MET: variants seen among roughly 807,000 people sequenced by gnomAD.
MET encodes the protein MET proto-oncogene, receptor tyrosine kinase, also known as hepatocyte growth factor receptor.
MET carries 48 observed loss-of-function variants against 133.1 expected under a neutral mutation model. That is an observed-to-expected ratio of 0.36 (90% CI 0.29 to 0.46). The LOEUF is 0.46. Ranked by LOEUF, MET falls within the 20% of genes least tolerant of loss-of-function variation. The pLI, the probability that MET is intolerant of heterozygous loss-of-function variation, is 1.00. For missense variants in MET, 1,442 were observed against 1,695.9 expected (o/e 0.85, Z 2.63); for synonymous variants, 628 against 616.5 (o/e 1.02, Z -0.28).
chr7:116,702,995 A>G (rs541332743), intron 2 of MET, among the ~76,000 whole-genome samples: 74 of 152,200 alleles, frequency 4.9e-4, no homozygotes, highest in Non-Finnish European at 9.7e-4. Context: ...ATTTCATGAA[A>G]TATGTCTATG....
At chr7:116,775,706 C>CA (rs1388652724) in intron 15 of MET, among the ~76,000 whole-genome samples, 2 of 151,854 alleles carry the variant, frequency 1.3e-5, no homozygotes, top group Non-Finnish European at 2.9e-5. Flanking sequence ...GACTCCATGT[C>CA]AAAAAAATAA....
At chr7:116,734,797 G>A (rs1463875922) in intron 3 of MET, among the ~76,000 whole-genome samples, 1 of 152,124 alleles carries the variant, frequency 6.6e-6, no homozygotes, top group Non-Finnish European at 1.5e-5. Context: ...GTCAGACTTG[G>A]GAACATTAAC....
chr7:116,749,614 T>A (rs1292067972), intron 5 of MET, among the ~76,000 whole-genome samples: 1 of 152,080 alleles, frequency 6.6e-6, no homozygotes, highest in African/African-American at 2.4e-5. Flanking sequence ...GCCAGGGCAA[T>A]CAGGCAGGGG....
At position 116,771,521 on chromosome 7, in the gene MET, C is replaced by T. The variant is rs770886012; in HGVS notation, c.2754C>T (p.Thr918=). The change falls in exon 13 of 21, where the codon ACC becomes ACT. Residue 918 remains threonine, a synonymous_variant. Coordinates refer to ENST00000397752, the MANE Select transcript of MET (RefSeq NM_000245.4). ...AGTGGAAGCAAGCAATTTCTTCAAC[C>T]GTCCTTGGAAAAGTAATAGTTCAAC... ...NIEWKQAISS[T]VLGKVIVQPD... is the part of the protein sequence containing the mutation. 7 of 1,613,620 alleles carry T rather than the reference C, an allele frequency of 4.3e-6. No homozygotes were observed. Among genetic ancestry groups the T allele is most frequent in the Admixed American group, 3.3e-5 (2 of 59,984 alleles).
intron 19 of MET, 92 bp downstream of exon 19, chr7:116,783,561 T>A: frequency 7.6e-7 from 1 of 1,310,104 alleles, no homozygotes; most frequent in Non-Finnish European, 1.1e-6. Context: ...TTTAAAAAAA[T>A]TCAACACCAC....
At chr7:116,783,767 G>T (rs1000543705) in intron 19 of MET, among the ~76,000 whole-genome samples, 1 of 152,206 alleles carries the variant, frequency 6.6e-6, no homozygotes, top group African/African-American at 2.4e-5. Context: ...AGATGAGATG[G>T]TCAACAATGA....
chr7:116,759,742 T>A, intron 10 of MET: 1 of 480,082 alleles, frequency 2.1e-6, no homozygotes. Context: ...GATTACCAAT[T>A]TGAGACAGTG....
intron 19 of MET, among the ~76,000 whole-genome samples, chr7:116,793,829 G>A (rs547050112): frequency 1.3e-5 from 2 of 152,034 alleles, no homozygotes; most frequent in Non-Finnish European, 2.9e-5. Context: ...AACCCGGGAG[G>A]AAGAGGTTGC....
intron 1 of MET, among the ~76,000 whole-genome samples, chr7:116,673,132 A>G (rs966805394): frequency 2.0e-5 from 3 of 152,164 alleles, no homozygotes; most frequent in Non-Finnish European, 4.4e-5. Flanking sequence ...TATTAGGTGA[A>G]ATAGATTATA....
chr7:116,763,024 C>G (rs770244862), intron 10 of MET, 26 bp from the exon 11 acceptor site: 4 of 1,579,280 alleles, frequency 2.5e-6, no homozygotes, highest in Non-Finnish European at 3.5e-6. Context: ...ATTCTGTTTA[C>G]AGTGGATAAT....
chr7:116,767,371 C>T (rs1006731611), intron 11 of MET, among the ~76,000 whole-genome samples: 3 of 152,160 alleles, frequency 2.0e-5, no homozygotes, highest in Non-Finnish European at 4.4e-5. Context: ...GAAATGGATC[C>T]ATTTTGACAT....
At chr7:116,713,393 T>G (rs1326099975) in intron 2 of MET, among the ~76,000 whole-genome samples, 9 of 129,250 alleles carry the variant, frequency 7.0e-5, no homozygotes, top group Non-Finnish European at 1.4e-4. Flanking sequence ...AGACTCCGTC[T>G]CAAAAAAAAA....
At chr7:116,687,518 G>A (rs1218251768) in intron 1 of MET, among the ~76,000 whole-genome samples, 1 of 152,122 alleles carries the variant, frequency 6.6e-6, no homozygotes, top group Non-Finnish European at 1.5e-5. Flanking sequence ...ATTGCATTAT[G>A]TTCACCCAAG....
chr7:116,797,165 G>T lies in MET; in HGVS notation c.*1041G>T, dbSNP rs538497590. On this transcript the variant is annotated 3_prime_UTR_variant, in exon 21 of 21. Transcript: ENST00000397752. ...ATGAATGTGAACATGTAGATGTTTT[G>T]TGTGTATTTTTTTAAATGAAAACTC... 9.9e-6 allele frequency: 2 copies of T among 202,084 alleles called. No homozygotes were observed. Among genetic ancestry groups the T allele is most frequent in the Non-Finnish European group, 2.0e-5 (2 of 98,256 alleles). The allele number at this position is 202,084 out of a possible 1,614,324, so 12.5% of individuals were successfully genotyped here.
chr7:116,692,772 C>T (rs1796817791), intron 1 of MET, among the ~76,000 whole-genome samples: 1 of 152,222 alleles, frequency 6.6e-6, no homozygotes, highest in Non-Finnish European at 1.5e-5. Context: ...ATTACCTTAA[C>T]TTTCATCTGA....
At position 116,741,120 on chromosome 7, in the gene MET, A is replaced by T. The variant is rs550738287; in HGVS notation, c.1701+95A>T. ...GTTTGTTTTTTGTTTTTTTAGATACAAATCCCACTAATGAAAAAAATTTAA... is the reference window on the plus strand; with the variant it reads ...GTTTGTTTTTTGTTTTTTTAGATACTAATCCCACTAATGAAAAAAATTTAA... On this transcript the variant is annotated intron_variant, in intron 5 of 20. Coordinates refer to ENST00000397752, the MANE Select transcript of MET (RefSeq NM_000245.4). 30 of 1,366,866 alleles carry T rather than the reference A, an allele frequency of 2.2e-5. No homozygotes were observed. The South Asian group carries it at 2.7e-4, about 12-fold the overall frequency. The allele number at this position is 1,366,866 out of a possible 1,614,324, so 84.7% of individuals were successfully genotyped here.
chr7:116,773,951 A>T (rs1794911081), intron 14 of MET, among the ~76,000 whole-genome samples: 1 of 152,098 alleles, frequency 6.6e-6, no homozygotes, highest in South Asian at 2.1e-4. Flanking sequence ...CTAATGAGGA[A>T]CCCCCACATA....
At chr7:116,704,512 G>A (rs918086337) in intron 2 of MET, among the ~76,000 whole-genome samples, 3 of 152,066 alleles carry the variant, frequency 2.0e-5, no homozygotes, top group Non-Finnish European at 2.9e-5. Context: ...AAATTCAAAT[G>A]ATTGGATTAT....
chr7:116,683,790 G>A (rs1003454294), intron 1 of MET, among the ~76,000 whole-genome samples: 5 of 152,118 alleles, frequency 3.3e-5, no homozygotes, highest in Admixed American at 1.3e-4. Flanking sequence ...CTCCCTTCTC[G>A]AAAGTTCTCC....
Sources: allele counts gnomAD v4.1 joint callset (sites outside exome capture counted in the v4.1 genomes callset), GRCh38; gene constraint gnomAD v4.1.1; transcripts MANE v1.5; gene names NCBI Gene and HGNC (gene_info 2026-07-23, HGNC 2026-07-21).